The following RANBP10 variants were observed in gnomAD, a reference collection of about 807,000 sequenced individuals.
RANBP10 encodes ran-binding protein 10.
RANBP10 carries 24 observed loss-of-function variants against 72.8 expected under a neutral mutation model. The observed-to-expected ratio is 0.33, with a 90% confidence interval of 0.24 to 0.46. The LOEUF (loss-of-function observed/expected upper bound fraction) is 0.46, where lower values mean the gene tolerates loss of function less well. Ranked by LOEUF, RANBP10 falls within the 20% of genes least tolerant of loss-of-function variation. RANBP10 has a pLI of 1.00. For synonymous variants in RANBP10, 310 were observed against 322.3 expected (o/e 0.96, Z 0.41); for missense variants, 679 against 817.5 (o/e 0.83, Z 2.07).
chr16:67,754,081 A>G (rs1414459049), intron 3 of RANBP10, among the ~76,000 whole-genome samples: 2 of 150,980 alleles, frequency 1.3e-5, no homozygotes, highest in Admixed American at 6.6e-5. Context: ...TGCAGTGAGC[A>G]GAGATCGCAC....
intron 3 of RANBP10, among the ~76,000 whole-genome samples, chr16:67,766,963 G>A (rs781441175): frequency 1.1e-4 from 16 of 152,172 alleles, no homozygotes; most frequent in Non-Finnish European, 2.1e-4. Context: ...TGGCAGGAAG[G>A]AAAACCCTGA....
rs1375633610 is a variant in RANBP10 at position 67,729,180 on chromosome 16, GAGGCTGGGGGTGA to G, written c.1352+87_1352+99del. On this transcript the variant is annotated intron_variant, in intron 10 of 13. Coordinates refer to ENST00000317506, the MANE Select transcript of RANBP10 (RefSeq NM_020850.3). The surrounding 1 kb of genome is among the most constrained non-coding windows in gnomAD (Gnocchi z 7.1). ...GGACTCCAGGCACAGACCTGAGATGGAGGCTGGGGGTGAAGGGCAGGGCGCTCAAAGGACAGAC... is the reference window on the plus strand; with the variant it reads ...GGACTCCAGGCACAGACCTGAGATGGAGGGCAGGGCGCTCAAAGGACAGAC... 3.3e-6 allele frequency: 5 copies of G among 1,537,308 alleles called. No homozygotes were observed. The highest frequency in any genetic ancestry group is 4.4e-6 in the Non-Finnish European group (5 of 1,142,432).
At chr16:67,773,086 A>G (rs762891362) in intron 2 of RANBP10, among the ~76,000 whole-genome samples, 1 of 152,216 alleles carries the variant, frequency 6.6e-6, no homozygotes, top group Non-Finnish European at 1.5e-5. Flanking sequence ...TCCAAATCTC[A>G]TGTAGACATG....
chr16:67,802,317 T>C (rs56882273), intron 2 of RANBP10, among the ~76,000 whole-genome samples: 8,071 of 152,208 alleles, frequency 0.053, 647 homozygotes, highest in African/African-American at 0.18. Flanking sequence ...ATACCACAGG[T>C]ATACATGACC....
intron 3 of RANBP10, among the ~76,000 whole-genome samples, chr16:67,749,952 A>C (rs950705308): frequency 1.3e-5 from 2 of 152,200 alleles, no homozygotes; most frequent in Non-Finnish European, 2.9e-5. Flanking sequence ...CACACCAGCC[A>C]CAATAGCCCT....
intron 2 of RANBP10, among the ~76,000 whole-genome samples, chr16:67,778,542 T>C (rs972969973): frequency 2.6e-5 from 4 of 152,110 alleles, no homozygotes; most frequent in African/African-American, 7.2e-5. Context: ...ATAGATAAAG[T>C]AAACTTCATC....
chr16:67,734,693 C>T (rs987555996), intron 6 of RANBP10, among the ~76,000 whole-genome samples, 165 bp downstream of exon 6: 12 of 151,754 alleles, frequency 7.9e-5, no homozygotes, highest in African/African-American at 2.7e-4. Context: ...GTCCATCCGA[C>T]GACAGAGAAG....
Position 67,726,175 on chromosome 16 carries a change from G to A in RANBP10, c.*253C>T. 2.3e-6 allele frequency: 1 copy of A among 425,612 alleles called. No homozygotes were observed. The allele number at this position is 425,612 out of a possible 1,614,324, so 26.4% of individuals were successfully genotyped here. On this transcript the variant is annotated 3_prime_UTR_variant, in exon 14 of 14. Transcript: ENST00000317506. Reference sequence around the variant, plus strand: ...ACAAAACCCCCCTTTCAAAATAGAAGGCGCTACATGAGAGTAACCAGCCAA... The same window carrying A: ...ACAAAACCCCCCTTTCAAAATAGAAAGCGCTACATGAGAGTAACCAGCCAA...
At chr16:67,797,736 G>A (rs899448042) in intron 2 of RANBP10, among the ~76,000 whole-genome samples, 14 of 152,096 alleles carry the variant, frequency 9.2e-5, no homozygotes, top group African/African-American at 2.9e-4. Flanking sequence ...CTTGAACCCT[G>A]GGAGGCGGAG....
chr16:67,761,905 T>C (rs756469420), intron 3 of RANBP10, among the ~76,000 whole-genome samples: 6 of 151,974 alleles, frequency 3.9e-5, no homozygotes, highest in Non-Finnish European at 7.4e-5. Flanking sequence ...TTTAAATATA[T>C]AGGTACTTCC....
chr16:67,747,293 T>C (rs890101501), intron 3 of RANBP10, among the ~76,000 whole-genome samples: 3 of 152,230 alleles, frequency 2.0e-5, no homozygotes, highest in Non-Finnish European at 4.4e-5. Flanking sequence ...ATACTGAGTA[T>C]CTTTTCATGT....
intron 3 of RANBP10, among the ~76,000 whole-genome samples, chr16:67,763,142 TG>T (rs998321797): frequency 6.6e-6 from 1 of 152,072 alleles, no homozygotes; most frequent in African/African-American, 2.4e-5. Flanking sequence ...GACTGTCCAC[TG>T]GGCAGAGGAG....
At chr16:67,775,784 T>C (rs1186943619) in intron 2 of RANBP10, among the ~76,000 whole-genome samples, 2 of 111,020 alleles carry the variant, frequency 1.8e-5, no homozygotes, top group Non-Finnish European at 3.4e-5. Context: ...AGAGTGAGAC[T>C]CCGTCTAAAA....
intron 2 of RANBP10, among the ~76,000 whole-genome samples, chr16:67,791,152 T>C (rs2055019026): frequency 6.6e-6 from 1 of 152,044 alleles, no homozygotes; most frequent in Non-Finnish European, 1.5e-5. Context: ...TAGCTGGGAC[T>C]GTAGGCGTGT....
chr16:67,770,351 A>C (rs773225220), intron 3 of RANBP10, among the ~76,000 whole-genome samples: 2 of 152,186 alleles, frequency 1.3e-5, no homozygotes, highest in South Asian at 2.1e-4. Context: ...TTTCACTCAG[A>C]TCAATCAAAG....
intron 3 of RANBP10, among the ~76,000 whole-genome samples, chr16:67,746,567 T>C (rs2143006562): frequency 6.6e-6 from 1 of 152,258 alleles, no homozygotes; most frequent in East Asian, 1.9e-4. Context: ...AGGAGGATTA[T>C]TTAAGCCCAG....
chr16:67,799,148 C>T (rs2055187099), intron 2 of RANBP10, among the ~76,000 whole-genome samples: 1 of 151,970 alleles, frequency 6.6e-6, no homozygotes, highest in African/African-American at 2.4e-5. Flanking sequence ...GTTGGCCAGG[C>T]TGTTCTCGAA....
chr16:67,737,970 C>T (rs1192884897), intron 5 of RANBP10, 43 bp downstream of exon 5: 2 of 1,563,206 alleles, frequency 1.3e-6, no homozygotes, highest in African/African-American at 1.4e-5. Context: ...TCCCAGTCAG[C>T]CCCCAGAAAC....
intron 5 of RANBP10, 73 bp from the exon 6 acceptor site, chr16:67,735,115 G>GC: frequency 2.2e-6 from 3 of 1,374,378 alleles, no homozygotes; most frequent in Non-Finnish European, 9.8e-7. Context: ...CACCTCCATG[G>GC]CTGCTGCTGG....
Sources: gnomAD v4.1 joint callset for allele counts (sites outside exome capture counted in the v4.1 genomes callset) on GRCh38, gnomAD v4.1.1 for gene constraint, Gnocchi (gnomAD v3.1) non-coding constraint, MANE v1.5 for transcripts, NCBI Gene and HGNC (gene_info 2026-07-23, HGNC 2026-07-21) for gene names.